AMPD3: variants seen among roughly 807,000 people sequenced by gnomAD.
The protein encoded by AMPD3 is adenosine monophosphate deaminase 3, also known as AMP deaminase 3.
Under a neutral mutation model 82.3 loss-of-function variants are expected in AMPD3, and 57 were observed. The observed-to-expected ratio is 0.69, with a 90% CI of 0.56 to 0.86. AMPD3 has a LOEUF of 0.86. AMPD3 is among the 40% of genes least tolerant of loss of function. The probability of loss-of-function intolerance (pLI) is 0.00; values close to 1 mark genes in which losing one functional copy is unlikely to be tolerated. For missense variants in AMPD3, 870 were observed against 1,003.8 expected, an observed-to-expected ratio of 0.87 and a Z score of 1.80; for synonymous variants, 381 against 394.7, an observed-to-expected ratio of 0.97 and a Z score of 0.41.
upstream of AMPD3, chr11:10,451,167 G>C: frequency 6.7e-7 from 1 of 1,490,470 alleles, no homozygotes; most frequent in Non-Finnish European, 8.9e-7. Context: ...TCGCAGAGGC[G>C]GTGGCGCTGA....
Position 10,485,011 on chromosome 11 carries a change from A to G in AMPD3, c.781A>G (p.Ile261Val). Residue 261 changes from isoleucine (I) to valine (V), a missense_variant, in exon 5 of 15, where the codon ATC becomes GTC. Physicochemically the swap from Ile to Val is conservative, Grantham distance 29 (BLOSUM62 3). Coordinates refer to ENST00000396553, the MANE Select transcript of AMPD3 (RefSeq NM_001025389.2). ...GACCTACACGGTGGACATGAGCCAC[A>G]TCCTGGCTCTCATCACCGATGGCCC... ...LETYTVDMSH[I>V]LALITDGPTK... 1 of 1,613,832 alleles carries G rather than the reference A, an allele frequency of 6.2e-7. No homozygotes were observed. Among genetic ancestry groups the G allele is most frequent in the Non-Finnish European group, 8.5e-7 (1 of 1,179,982 alleles).
chr11:10,450,825 C>T, upstream of AMPD3: 1 of 1,192,658 alleles, frequency 8.4e-7, no homozygotes, highest in Non-Finnish European at 1.0e-6. Flanking sequence ...AGGCGGCCCT[C>T]CCTCCTCCCG....
chr11:10,473,262 C>A (rs1185246468), intron 2 of AMPD3: 2 of 543,922 alleles, frequency 3.7e-6, no homozygotes, highest in Non-Finnish European at 4.7e-6. Context: ...AGAGCAAGAC[C>A]CTGTGTCAAA....
chr11:10,460,655 C>T (rs1334419748), intron 1 of AMPD3, among the ~76,000 whole-genome samples: 7 of 151,498 alleles, frequency 4.6e-5, no homozygotes, highest in Admixed American at 2.0e-4. Context: ...GTGATCTGCC[C>T]GCCTCAGCCT....
intron 2 of AMPD3, chr11:10,478,240 C>G (rs1485088687): frequency 2.6e-5 from 26 of 985,332 alleles, no homozygotes; most frequent in African/African-American, 3.5e-5. Flanking sequence ...CCATTTGTCT[C>G]TCTGTCTCCT....
rs531452883 is a variant in AMPD3, at chr11:10,505,563, T to C, written c.2128-145T>C. On this transcript the variant is annotated intron_variant, in intron 14 of 14. Transcript: ENST00000396553. The stretch of plus-strand genomic sequence containing the variant: ...CAGAGGCCAGCAGGAATTTTAAGAG[T>C]TCTGTGGGGATAAGATGTCCTGACC... The C allele has an allele frequency of 9.4e-6, 14 of 1,485,726 alleles. No individual in the cohort carries two copies. The East Asian group carries it at 2.7e-4, about 29-fold the overall frequency. 92.0% of individuals were successfully genotyped at this position (1,485,726 alleles called of 1,614,324 possible).
intron 7 of AMPD3, 116 bp from the exon 8 acceptor site, chr11:10,494,783 A>G (rs1849341121): frequency 1.3e-6 from 2 of 1,584,030 alleles, no homozygotes; most frequent in Non-Finnish European, 1.7e-6. Context: ...AAGAATTGAC[A>G]TAGAAGATGT....
At chr11:10,504,804 A>G in intron 14 of AMPD3, 145 bp downstream of exon 14, 1 of 810,818 alleles carries the variant, frequency 1.2e-6, no homozygotes, top group Non-Finnish European at 2.1e-6. Context: ...AAGACGCGGC[A>G]GCCTCCTGTG....
At chr11:10,491,137 G>A (rs1219424632) in intron 6 of AMPD3, among the ~76,000 whole-genome samples, 1 of 152,234 alleles carries the variant, frequency 6.6e-6, no homozygotes, top group Non-Finnish European at 1.5e-5. Context: ...CCCGGGCTGA[G>A]CGCCCAGTCG....
chr11:10,470,177 C>T (rs946608126), intron 2 of AMPD3, among the ~76,000 whole-genome samples: 3 of 152,146 alleles, frequency 2.0e-5, no homozygotes, highest in South Asian at 4.1e-4. Context: ...AATCAATCAG[C>T]GTAATCCATC....
upstream of AMPD3, chr11:10,455,125 C>T: frequency 5.1e-6 from 5 of 985,322 alleles, 1 homozygote; most frequent in Non-Finnish European, 3.6e-6. Flanking sequence ...CGGTAAACAA[C>T]TGACCCATCC....
At chr11:10,468,313 A>T (rs1297730393) in intron 2 of AMPD3, among the ~76,000 whole-genome samples, 1 of 151,214 alleles carries the variant, frequency 6.6e-6, no homozygotes, top group Non-Finnish European at 1.5e-5. Context: ...AAATAAAGGG[A>T]TGGAGGAATA....
intron 3 of AMPD3, among the ~76,000 whole-genome samples, chr11:10,480,451 A>G (rs912017250): frequency 2.0e-5 from 3 of 148,988 alleles, no homozygotes; most frequent in African/African-American, 7.3e-5. Flanking sequence ...AACATACCTT[A>G]TGGGGACATT....
In AMPD3 at chr11:10,484,980, C is replaced by T. The variant is rs760057989; in HGVS notation, c.750C>T (p.Asp250=). The T allele has an allele frequency of 1.9e-6, 3 of 1,613,544 alleles. No homozygotes were observed. The highest frequency in any genetic ancestry group is 2.5e-6 in the Non-Finnish European group (3 of 1,179,854). ...AGCCGCACAGCCTACCCTACCCCGA[C>T]CTGGAGACCTACACGGTGGACATGA... ...HQEPHSLPYP[D]LETYTVDMSH... Residue 250 remains aspartate (D), a synonymous_variant, in exon 5 of 15, where the codon GAC becomes GAT. Transcript: ENST00000396553.
At position 10,501,155 on chromosome 11, in the gene AMPD3, C is replaced by T. The variant is rs987171495; in HGVS notation, c.1722-315C>T. On this transcript the variant is annotated intron_variant, in intron 11 of 14. Transcript: ENST00000396553. ...GACTCTGTGGTTTCTCATGGCCTTC[C>T]CTGCTCTGGAGTTCTACGAATGCGG... 9.1e-6 allele frequency: 9 copies of T among 985,240 alleles called. No homozygotes were observed. The African/African-American group carries it at 1.6e-4, about 17-fold the overall frequency. 61.0% of individuals were successfully genotyped at this position (985,240 alleles called of 1,614,324 possible).
chr11:10,479,997 G>T (rs1848854726), intron 3 of AMPD3: 2 of 984,478 alleles, frequency 2.0e-6, no homozygotes, highest in South Asian at 9.4e-5. Context: ...TGGAAAGCAA[G>T]AGTCGAGGTG....
In AMPD3 at chr11:10,493,401, G is replaced by A. The variant is rs1425942523; in HGVS notation, c.992G>A (p.Arg331His). 26 of 1,614,210 alleles carry A rather than the reference G, an allele frequency of 1.6e-5. No homozygotes were observed. Among genetic ancestry groups the A allele is most frequent in the East Asian group, 2.2e-5 (1 of 44,882 alleles). ...TGCATGAACCAAAAGCATCTGCTGC[G>A]CTTCATCAAGCACACATACCAGACG... ...AACMNQKHLL[R>H]FIKHTYQTEP... The change falls in exon 7 of 15, where the codon CGC becomes CAC. Residue 331 changes from arginine (R) to histidine (H), a missense_variant. Arg to His is a conservative substitution (Grantham distance 29). Coordinates refer to ENST00000396553, the MANE Select transcript of AMPD3 (RefSeq NM_001025389.2).
intron 2 of AMPD3, among the ~76,000 whole-genome samples, chr11:10,470,832 A>G (rs1848567806): frequency 6.6e-6 from 1 of 152,212 alleles, no homozygotes; most frequent in African/African-American, 2.4e-5. Flanking sequence ...AAATGGAAAA[A>G]CATTCCATGC....
upstream of AMPD3, among the ~76,000 whole-genome samples, chr11:10,452,947 T>G (rs993859179): frequency 7.2e-5 from 11 of 152,152 alleles, no homozygotes; most frequent in African/African-American, 2.2e-4. Context: ...TGGAGTTTTT[T>G]TTGTTGTTGT....
Sources: allele counts gnomAD v4.1 joint callset (sites outside exome capture counted in the v4.1 genomes callset), GRCh38; gene constraint gnomAD v4.1.1; transcripts MANE v1.5; gene names NCBI Gene and HGNC (gene_info 2026-07-23, HGNC 2026-07-21).